Variants in MINDY4 observed in about 807,000 individuals in gnomAD.
MINDY4 encodes MINDY lysine 48 deubiquitinase 4, also known as probable ubiquitin carboxyl-terminal hydrolase MINDY-4.
Under a neutral mutation model 87.0 loss-of-function variants are expected in MINDY4, and 68 were observed. The ratio of observed to expected loss-of-function variants is 0.78; its 90% CI spans 0.64 to 0.96. The LOEUF (loss-of-function observed/expected upper bound fraction) is 0.96. Among genes scored for constraint, MINDY4 ranks in the 40% least tolerant of loss-of-function variants. The pLI is 0.00. For synonymous variants in MINDY4, 379 were observed against 363.2 expected, an observed-to-expected ratio of 1.04 and a Z score of -0.50; for missense variants, 919 against 928.2, an observed-to-expected ratio of 0.99 and a Z score of 0.13.
intron 13 of MINDY4, among the ~76,000 whole-genome samples, chr7:30,864,604 C>T (rs1356994181): frequency 1.3e-5 from 2 of 152,266 alleles, no homozygotes; most frequent in African/African-American, 4.8e-5. Context: ...AGCAGCTCCT[C>T]AGCCTGCTGG....
chr7:30,817,406 ATTT>A (rs1471453889), intron 5 of MINDY4, among the ~76,000 whole-genome samples: 2 of 147,780 alleles, frequency 1.4e-5, no homozygotes, highest in African/African-American at 5.0e-5. Context: ...CATTAAAAAA[ATTT>A]TTTTTAGTCT....
chr7:30,795,175 G>A (rs1787450006), intron 5 of MINDY4, among the ~76,000 whole-genome samples: 1 of 152,108 alleles, frequency 6.6e-6, no homozygotes, highest in African/African-American at 2.4e-5. Context: ...ATGGCCACAT[G>A]GACACTCCTA....
chr7:30,788,272 T>C (rs958038584), intron 4 of MINDY4, among the ~76,000 whole-genome samples: 2 of 152,214 alleles, frequency 1.3e-5, no homozygotes, highest in African/African-American at 2.4e-5. Context: ...ACTAGACAAG[T>C]TGTAGTTTCT....
chr7:30,802,430 G>A (rs1787682203), intron 5 of MINDY4, among the ~76,000 whole-genome samples: 1 of 151,960 alleles, frequency 6.6e-6, no homozygotes, highest in Non-Finnish European at 1.5e-5. Flanking sequence ...TGTTCCTTCA[G>A]TATCTTGGAC....
rs536647272 is a variant in MINDY4 at position 30,888,813 on chromosome 7, C to A, written c.2226-3144C>A. ...ATTTGCCCCTGTTGGCTGGATGGAG[C>A]GGGTTGGTTATGTCTGTAGAAAGCC... On this transcript the variant is annotated intron_variant, in intron 17 of 17. Transcript: ENST00000265299. Among the ~76,000 whole-genome samples the A allele has an allele frequency of 1.2e-3, 186 of 152,288 alleles. 1 individual carries two copies. The highest frequency in any genetic ancestry group is 1.8e-3 in the Non-Finnish European group (122 of 68,032).
chr7:30,890,288 C>T (rs1346942135), intron 17 of MINDY4, among the ~76,000 whole-genome samples: 3 of 152,240 alleles, frequency 2.0e-5, no homozygotes, highest in Non-Finnish European at 4.4e-5. Flanking sequence ...GGGAGCACAA[C>T]GTAGGGCAGG....
intron 7 of MINDY4, among the ~76,000 whole-genome samples, chr7:30,837,832 ACTGTGC>A (rs1788906430): frequency 1.3e-5 from 2 of 152,182 alleles, no homozygotes; most frequent in Admixed American, 1.3e-4. Flanking sequence ...TGTTGACCAC[ACTGTGC>A]CTAGCGGGAG....
At chr7:30,853,250 C>A (rs1161176370) in intron 11 of MINDY4, 144 bp from the exon 12 acceptor site, 10 of 690,976 alleles carry the variant, frequency 1.4e-5, no homozygotes, top group African/African-American at 5.3e-5. Context: ...CCTCTCAGCC[C>A]TGACTTGGAG....
At chr7:30,796,412 G>T (rs1357590590) in intron 5 of MINDY4, among the ~76,000 whole-genome samples, 1 of 152,170 alleles carries the variant, frequency 6.6e-6, no homozygotes, top group Non-Finnish European at 1.5e-5. Flanking sequence ...AATGGATTTT[G>T]TCCTGGAGAA....
intron 16 of MINDY4, among the ~76,000 whole-genome samples, 181 bp from the exon 17 acceptor site, chr7:30,882,740 G>A (rs1022565260): frequency 2.0e-5 from 3 of 152,158 alleles, no homozygotes; most frequent in Admixed American, 1.3e-4. Context: ...AGTGGGACAC[G>A]GGTGGGGACC....
intron 15 of MINDY4, among the ~76,000 whole-genome samples, chr7:30,876,331 C>T (rs982404761): frequency 1.3e-5 from 2 of 152,348 alleles, no homozygotes; most frequent in East Asian, 1.9e-4. Flanking sequence ...GCCCACCGTA[C>T]TCCAGTATGA....
chr7:30,858,661 A>G (rs1372980162), intron 12 of MINDY4: 1 of 154,566 alleles, frequency 6.5e-6, no homozygotes, highest in Admixed American at 6.2e-5. Context: ...AAATATATAT[A>G]TATATATATA....
intron 13 of MINDY4, among the ~76,000 whole-genome samples, chr7:30,868,467 C>T (rs767009628): frequency 4.6e-5 from 7 of 152,216 alleles, no homozygotes; most frequent in Non-Finnish European, 1.0e-4. Flanking sequence ...AGATTCGAAG[C>T]CCATGCATTG....
At chr7:30,791,640 T>G in intron 5 of MINDY4, 66 bp downstream of exon 5, 1 of 1,490,458 alleles carries the variant, frequency 6.7e-7, no homozygotes, top group Non-Finnish European at 9.0e-7. Context: ...TGTTGTCTAG[T>G]CCCTAATGGC....
At chr7:30,778,643 T>C in intron 2 of MINDY4, 92 bp downstream of exon 2, 4 of 1,453,428 alleles carry the variant, frequency 2.8e-6, no homozygotes, top group Non-Finnish European at 2.9e-6. Context: ...AGGAGAGGCT[T>C]GAGGTTCTCC....
chr7:30,787,866 G>A (rs1787200523), intron 4 of MINDY4, among the ~76,000 whole-genome samples: 1 of 152,158 alleles, frequency 6.6e-6, no homozygotes, highest in African/African-American at 2.4e-5. Context: ...GGAGTGCAAA[G>A]AGCTTTTGTT....
At position 30,771,563 on chromosome 7, in the gene MINDY4, G is replaced by A; in HGVS notation, c.63+7G>A. 2 of 1,589,596 alleles carry A rather than the reference G, an allele frequency of 1.3e-6. No individual in the cohort carries two copies. The highest frequency in any genetic ancestry group is 1.7e-6 in the Non-Finnish European group (2 of 1,169,140). On this transcript the variant is annotated splice_region_variant and intron_variant, in intron 1 of 17. Transcript: ENST00000265299. Reference sequence around the variant, plus strand: ...GGAGTTCCTCAGCAGAAAGGTAACGGCTCGCCCCCTCCAAAGCCCAGGAAG... The same window carrying A: ...GGAGTTCCTCAGCAGAAAGGTAACGACTCGCCCCCTCCAAAGCCCAGGAAG...
At position 30,875,416 on chromosome 7, in the gene MINDY4, G is replaced by A. The variant is rs1584346785; in HGVS notation, c.1810-79G>A. 13 of 1,498,702 alleles carry A rather than the reference G, an allele frequency of 8.7e-6. No individual in the cohort carries two copies. The East Asian group carries it at 2.9e-4, about 34-fold the overall frequency. 92.8% of individuals were successfully genotyped at this position (1,498,702 alleles called of 1,614,324 possible). ...CTTTCCTTCCTTCTCCACCCTTTTTGTCTTTCCCCAGTCTCCTCTCCACTC... is the reference window on the plus strand; with the variant it reads ...CTTTCCTTCCTTCTCCACCCTTTTTATCTTTCCCCAGTCTCCTCTCCACTC... On this transcript the variant is annotated intron_variant, in intron 14 of 17. Coordinates refer to ENST00000265299, the MANE Select transcript of MINDY4 (RefSeq NM_032222.3).
intron 10 of MINDY4, 47 bp from the exon 11 acceptor site, chr7:30,852,169 G>A (rs371619128): frequency 3.4e-5 from 55 of 1,610,942 alleles, no homozygotes; most frequent in African/African-American, 1.1e-4. Context: ...TGGAGGGCAC[G>A]CCTTCTCTCC....
Sources: allele counts gnomAD v4.1 joint callset (sites outside exome capture counted in the v4.1 genomes callset), GRCh38; gene constraint gnomAD v4.1.1; transcripts MANE v1.5; gene names NCBI Gene and HGNC (gene_info 2026-07-23, HGNC 2026-07-21).